PHF12: variants seen among roughly 807,000 people sequenced by gnomAD.
PHF12 encodes PHD finger protein 12.
PHF12 carries 6 observed loss-of-function variants against 99.8 expected under a neutral mutation model. The ratio of observed to expected loss-of-function variants is 0.06; its 90% CI spans 0.03 to 0.12. The LOEUF is 0.12. Among genes scored for constraint, PHF12 ranks in the 10% least tolerant of loss-of-function variants. The pLI is 1.00. For missense variants in PHF12, 954 were observed against 1,300.1 expected (o/e 0.73, Z 4.09); for synonymous variants, 480 against 514.9 (o/e 0.93, Z 0.92).
chr17:28,922,048 C>T (rs2040176538), intron 4 of PHF12, among the ~76,000 whole-genome samples: 1 of 152,166 alleles, frequency 6.6e-6, no homozygotes, highest in South Asian at 2.1e-4. Context: ...GGCAGAAACA[C>T]ATCTAACTGT....
intron 5 of PHF12, among the ~76,000 whole-genome samples, chr17:28,919,591 T>C (rs1384515613): frequency 6.6e-6 from 1 of 152,020 alleles, no homozygotes; most frequent in African/African-American, 2.4e-5. Flanking sequence ...ATACAAAAAA[T>C]TAGCTGGGCG....
intron 6 of PHF12, among the ~76,000 whole-genome samples, chr17:28,918,680 G>T (rs930653277): frequency 1.3e-5 from 2 of 152,284 alleles, no homozygotes; most frequent in South Asian, 4.1e-4. Flanking sequence ...GCAAGTGACA[G>T]CTCTTTTCTA....
In PHF12 at chr17:28,921,705, G is replaced by C. The variant is rs143878352; in HGVS notation, c.819C>G (p.Val273=). Residue 273 remains valine, a synonymous_variant, in exon 5 of 15, where the codon GTC becomes GTG. Transcript: ENST00000332830. ...GAAAATACCTGTTACACGTGAAGCA[G>C]ACTTTGACGGGTAAGGGAACGAGAC... is the stretch of plus-strand genomic sequence containing the variant. The part of the protein sequence containing the change: ...HNGLVPLPVK[V]CFTCNRSCRV... The C allele has an allele frequency of 5.6e-5, 91 of 1,613,936 alleles. No homozygotes were observed. The highest frequency in any genetic ancestry group is 7.3e-5 in the Non-Finnish European group (86 of 1,179,942).
At position 28,913,177 on chromosome 17, in the gene PHF12, T is replaced by C. The variant is rs199587869; in HGVS notation, c.1394A>G (p.Asp465Gly). 1 of 1,614,162 alleles carries C rather than the reference T, an allele frequency of 6.2e-7. No individual in the cohort carries two copies. The highest frequency in any genetic ancestry group is 1.7e-5 in the Admixed American group (1 of 60,012). The change falls in exon 9 of 15, where the codon GAT (aspartate) becomes GGT (glycine). Residue 465 changes from aspartate (D) to glycine (G), a missense_variant. Transcript: ENST00000332830. ...GTCAGTCACAATAACAGGCTTAATA[T>C]CAGCCTTCTCTGTCTGTTCAGAGTC... ...HWDSEQTEKA[D>G]IKPVIVTDSS...
chr17:28,907,150 A>T (rs2039885767), intron 13 of PHF12, 156 bp from the exon 14 acceptor site: 1 of 810,064 alleles, frequency 1.2e-6, no homozygotes, highest in African/African-American at 1.7e-5. Flanking sequence ...AGGGGGCTGG[A>T]GACACCTCCT....
intron 11 of PHF12, chr17:28,909,694 G>A: frequency 4.9e-6 from 1 of 205,298 alleles, no homozygotes; most frequent in Non-Finnish European, 9.9e-6. Context: ...AGACTCAAGC[G>A]ATCCTCCCAT....
intron 13 of PHF12, 185 bp downstream of exon 13, chr17:28,907,402 CAGG>C (rs1598114037): frequency 6.7e-6 from 4 of 597,100 alleles, no homozygotes; most frequent in East Asian, 3.0e-5. Flanking sequence ...TCCTGGGAAG[CAGG>C]TAGCTTCCCA....
intron 11 of PHF12, chr17:28,909,798 C>T: frequency 2.0e-6 from 1 of 494,618 alleles, no homozygotes; most frequent in Non-Finnish European, 3.6e-6. Context: ...ACTGTGTTGC[C>T]CAGGCTGGTC....
intron 2 of PHF12, among the ~76,000 whole-genome samples, chr17:28,946,520 C>A (rs1196450481): frequency 1.3e-5 from 2 of 152,142 alleles, no homozygotes; most frequent in South Asian, 4.1e-4. Context: ...TGTTACCAAG[C>A]CCGGGAGGTA....
At chr17:28,914,671 CAAAAAA>C (rs61203588) in intron 7 of PHF12, among the ~76,000 whole-genome samples, 104 of 30,324 alleles carry the variant, frequency 3.4e-3, no homozygotes, top group African/African-American at 9.4e-3. Flanking sequence ...GACTCCGTCT[CAAAAAA>C]AAAAAAAAAA....
At chr17:28,926,690 G>C (rs984085356) in intron 3 of PHF12, 49 of 1,033,156 alleles carry the variant, frequency 4.7e-5, no homozygotes, top group Non-Finnish European at 6.3e-5. Context: ...TTGTTTTTCA[G>C]CCATGGATAA....
chr17:28,939,412 A>G (rs2040571705), intron 2 of PHF12, among the ~76,000 whole-genome samples: 1 of 152,250 alleles, frequency 6.6e-6, no homozygotes, highest in South Asian at 2.1e-4. Flanking sequence ...ATTTAATGAG[A>G]TTAATGGAGC....
chr17:28,921,046 TTTTG>T (rs1055371296), intron 5 of PHF12, among the ~76,000 whole-genome samples: 2 of 151,532 alleles, frequency 1.3e-5, no homozygotes, highest in African/African-American at 4.9e-5. Flanking sequence ...GCTAATTTTT[TTTTG>T]TTTGTTTGAA....
In PHF12 at chr17:28,916,362, T is replaced by C. The variant is rs578222097; in HGVS notation, c.1134+923A>G. ...GGTGCCTGCCACAATGCCAGGCTAA[T>C]GTTTTATATTTTTAGCAGAGACGGG... On this transcript the variant is annotated intron_variant, in intron 7 of 14. Transcript: ENST00000332830. 5.3e-5 allele frequency among the ~76,000 whole-genome samples: 8 copies of C among 152,290 alleles called. No individual in the cohort carries two copies. The East Asian group carries it at 1.4e-3, about 26-fold the overall frequency.
chr17:28,918,840 T>C (rs924961790), intron 6 of PHF12, among the ~76,000 whole-genome samples: 2 of 152,196 alleles, frequency 1.3e-5, no homozygotes, highest in African/African-American at 4.8e-5. Flanking sequence ...TTCCTTAAGG[T>C]TGGATCTAAT....
At chr17:28,907,461 CA>C in intron 13 of PHF12, 128 bp downstream of exon 13, 2 of 845,494 alleles carry the variant, frequency 2.4e-6, no homozygotes, top group Non-Finnish European at 3.7e-6. Flanking sequence ...CCAGGAATGA[CA>C]GGGAGGGAAG....
chr17:28,908,994 T>TG, intron 11 of PHF12, 113 bp from the exon 12 acceptor site: 1 of 969,910 alleles, frequency 1.0e-6, no homozygotes, highest in East Asian at 2.6e-5. Context: ...TCCCGCTGGA[T>TG]GACTCATCTT....
Position 28,949,983 on chromosome 17 carries a change from T to C in PHF12, c.248+82A>G. 1 of 1,410,966 alleles carries C rather than the reference T, an allele frequency of 7.1e-7. No individual in the cohort carries two copies. Among genetic ancestry groups the C allele is most frequent in the Non-Finnish European group, 9.4e-7 (1 of 1,061,700 alleles). 87.4% of individuals were successfully genotyped at this position (1,410,966 alleles called of 1,614,324 possible). A position where few individuals can be genotyped will look rare whatever the true frequency, so the allele number is the denominator to read the frequency against. On this transcript the variant is annotated intron_variant, in intron 2 of 14. Coordinates refer to ENST00000332830, the MANE Select transcript of PHF12 (RefSeq NM_001033561.2). This position sits in a 1 kb window ranked among gnomAD's most constrained non-coding sequence, Gnocchi z 4.6. ...CTAGCGGCTGCAAGCGCCCGTTATTTCGGCAGTCAGGGGCAGGCCGGGTGA... is the reference window on the plus strand; with the variant it reads ...CTAGCGGCTGCAAGCGCCCGTTATTCCGGCAGTCAGGGGCAGGCCGGGTGA...
chr17:28,938,261 C>T (rs1286952360), intron 2 of PHF12, among the ~76,000 whole-genome samples: 1 of 152,118 alleles, frequency 6.6e-6, no homozygotes, highest in African/African-American at 2.4e-5. Flanking sequence ...GATGGAGTCT[C>T]ACTCTGTCAT....
Sources: allele counts gnomAD v4.1 joint callset (sites outside exome capture counted in the v4.1 genomes callset), GRCh38; gene constraint gnomAD v4.1.1; non-coding constraint Gnocchi (gnomAD v3.1); transcripts MANE v1.5; gene names NCBI Gene and HGNC (gene_info 2026-07-23, HGNC 2026-07-21).